SETX: variants seen among roughly 807,000 people sequenced by gnomAD.
The protein encoded by SETX is helicase senataxin.
A neutral mutation model predicts 227.2 loss-of-function variants in SETX; 90 were observed. The ratio of observed to expected loss-of-function variants is 0.40; its 90% CI spans 0.33 to 0.47. The LOEUF (loss-of-function observed/expected upper bound fraction) is 0.47, where lower values mean the gene tolerates loss of function less well. Among genes scored for constraint, SETX ranks in the 20% least tolerant of loss-of-function variants. SETX has a pLI of 0.91. For missense variants in SETX, 3,052 were observed against 3,181.5 expected (o/e 0.96, Z 0.98); for synonymous variants, 1,210 against 1,113.2 (o/e 1.09, Z -1.73).
intron 2 of SETX, among the ~76,000 whole-genome samples, chr9:132,352,583 T>C (rs1003959476): frequency 2.6e-5 from 4 of 152,142 alleles, no homozygotes; most frequent in African/African-American, 9.7e-5. Flanking sequence ...AAACCCCGTA[T>C]CTACTAAAAA....
chr9:132,334,820 G>GA, intron 6 of SETX, 93 bp from the exon 7 acceptor site: 1 of 1,358,316 alleles, frequency 7.4e-7, no homozygotes, highest in South Asian at 1.2e-5. Context: ...GCAGGAAGAT[G>GA]AAGCAAGATA....
At position 132,296,964 on chromosome 9, in the gene SETX, T is replaced by C. The variant is rs779602472; in HGVS notation, c.5872A>G (p.Ile1958Val). Reference sequence around the variant, plus strand: ...CCAGGTGGTCCATGAATCAAGCAGATTTTGGCAACTGATGGTGAGTGTTTC... The same window carrying C: ...CCAGGTGGTCCATGAATCAAGCAGACTTTGGCAACTGATGGTGAGTGTTTC... The part of the protein sequence containing the change: ...MVKHSPSVAK[I>V]CLIHGPPGTG... Residue 1958 changes from isoleucine (I) to valine (V), a missense_variant, in exon 14 of 26, where the codon ATC becomes GTC. Coordinates refer to ENST00000224140, the MANE Select transcript of SETX (RefSeq NM_015046.7). 4 of 1,614,108 alleles carry C rather than the reference T, an allele frequency of 2.5e-6. No homozygotes were observed. In the South Asian group the frequency reaches 4.4e-5, roughly 18 times the overall value.
intron 3 of SETX, among the ~76,000 whole-genome samples, chr9:132,348,755 G>A (rs562686): frequency 0.82 from 124,074 of 151,756 alleles, 51,236 homozygotes; most frequent in Non-Finnish European, 0.87. Flanking sequence ...ATAAGACCTC[G>A]TCTCTACAAA....
At chr9:132,288,020 C>T (rs993488447) in intron 17 of SETX, among the ~76,000 whole-genome samples, 4 of 152,124 alleles carry the variant, frequency 2.6e-5, no homozygotes, top group African/African-American at 4.8e-5. Context: ...ATTAAAAATA[C>T]AGAAAATTAG....
At chr9:132,296,074 T>C (rs776249538) in intron 14 of SETX, 46 bp from the exon 15 acceptor site, 70 of 1,608,638 alleles carry the variant, frequency 4.4e-5, no homozygotes, top group Non-Finnish European at 5.6e-5. Context: ...ACAAAAAATA[T>C]GGGTGAGCTC....
intron 12 of SETX, among the ~76,000 whole-genome samples, chr9:132,299,793 G>A (rs1844880031): frequency 6.6e-6 from 1 of 151,924 alleles, no homozygotes; most frequent in Admixed American, 6.6e-5. Flanking sequence ...TGGGGAGCAA[G>A]GAATAATTTC....
At position 132,278,217 on chromosome 9, in the gene SETX, C is replaced by T; in HGVS notation, c.6695G>A (p.Arg2232His). The T allele has an allele frequency of 1.2e-6, 2 of 1,614,120 alleles. No individual in the cohort carries two copies. The highest frequency in any genetic ancestry group is 1.3e-5 in the African/African-American group (1 of 75,016). The change falls in exon 21 of 26, where the codon CGC becomes CAC. Residue 2232 changes from arginine to histidine, a missense_variant. Physicochemically the swap from Arg to His is conservative, Grantham distance 29. This residue lies in a region of SETX where 412 missense variants were observed against 589.0 expected (regional missense o/e 0.70). Coordinates refer to ENST00000224140, the MANE Select transcript of SETX (RefSeq NM_015046.7). ...ATTCTCTTCCAGCAGTCTGCAGAAG[C>T]GAGCCATCATTGACTGGTCGTAGCC... ...EYGYDQSMMARFCRLLEENVE... is the reference protein window; with the variant it reads ...EYGYDQSMMAHFCRLLEENVE...
intron 10 of SETX, among the ~76,000 whole-genome samples, chr9:132,322,841 T>A (rs56118534): frequency 1.2e-3 from 1 of 820 alleles, no homozygotes; most frequent in Non-Finnish European, 4.5e-3. Context: ...ACTTTAAAAT[T>A]ATCATAAACT....
At chr9:132,307,030 G>A (rs541133687) in intron 11 of SETX, among the ~76,000 whole-genome samples, 7 of 152,330 alleles carry the variant, frequency 4.6e-5, no homozygotes, top group Admixed American at 2.0e-4. Flanking sequence ...CAAGGCAGGC[G>A]GGTCACCTGA....
At chr9:132,290,574 CAAAAAAAA>C (rs59954158) in intron 15 of SETX, among the ~76,000 whole-genome samples, 1,701 of 44,716 alleles carry the variant, frequency 0.038, 35 homozygotes, top group African/African-American at 0.093. Context: ...GACTCCGTCT[CAAAAAAAA>C]AAAAAAAAAA....
chr9:132,326,354 G>GAAAA lies in SETX; in HGVS notation c.5240_5243dup (p.Pro1749PhefsTer10). 6.2e-7 allele frequency: 1 copy of GAAAA among 1,612,878 alleles called. No individual in the cohort carries two copies. Among genetic ancestry groups the GAAAA allele is most frequent in the Non-Finnish European group, 8.5e-7 (1 of 1,179,272 alleles). ...CAAAAGTATTCAATACCATCAAAGG[G>GAAAA]AAAAAAACATTAAAATAATCTCCAT... is the stretch of plus-strand genomic sequence containing the variant. On this transcript the variant is annotated frameshift_variant, in exon 10 of 26. Transcript: ENST00000224140. LOFTEE classifies it high-confidence loss of function.
chr9:132,282,097 T>A (rs1385421374), intron 19 of SETX, among the ~76,000 whole-genome samples: 1 of 149,802 alleles, frequency 6.7e-6, no homozygotes, highest in East Asian at 2.0e-4. Flanking sequence ...TCCAAACATG[T>A]CTAAAAAAAA....
intron 17 of SETX, among the ~76,000 whole-genome samples, chr9:132,287,785 A>AGC (rs2131243019): frequency 6.6e-6 from 1 of 152,106 alleles, no homozygotes; most frequent in Non-Finnish European, 1.5e-5. Context: ...AAAAAGCAGA[A>AGC]AGAAATGTGT....
intron 5 of SETX, among the ~76,000 whole-genome samples, chr9:132,340,337 T>G (rs1277856624): frequency 1.3e-5 from 2 of 152,236 alleles, no homozygotes; most frequent in African/African-American, 4.8e-5. Flanking sequence ...TATAATAATT[T>G]TAAATTTACT....
chr9:132,330,692 T>C (rs1847169403), intron 9 of SETX, among the ~76,000 whole-genome samples, 193 bp from the exon 10 acceptor site: 1 of 152,230 alleles, frequency 6.6e-6, no homozygotes, highest in Non-Finnish European at 1.5e-5. Context: ...CCCAAGAAAG[T>C]GAAAATATAA....
At chr9:132,290,519 G>A (rs1023636583) in intron 15 of SETX, among the ~76,000 whole-genome samples, 3 of 142,564 alleles carry the variant, frequency 2.1e-5, no homozygotes, top group African/African-American at 8.0e-5. Context: ...AGGTTGCGGT[G>A]AGCTGAAATC....
In SETX at chr9:132,286,411, TG is replaced by T; in HGVS notation, c.6396+11del. On this transcript the variant is annotated intron_variant, in intron 18 of 25. Transcript: ENST00000224140. ...AAAAAAATCAAGAAAATGCTACAGG[TG>T]AACTACTTACCTCTTTAATTTTAGA... 1 of 1,587,648 alleles carries T rather than the reference TG, an allele frequency of 6.3e-7. No homozygotes were observed. The highest frequency in any genetic ancestry group is 1.1e-5 in the South Asian group (1 of 87,758).
chr9:132,330,183 T>C lies in SETX; in HGVS notation c.1415A>G (p.Lys472Arg), dbSNP rs1336832375. The change falls in exon 10 of 26, where the codon AAA (lysine) becomes AGA (arginine). Residue 472 changes from lysine to arginine, a missense_variant. Around this residue, in one of 10 missense-constraint regions of SETX, gnomAD observed 179 missense variants for 197.1 expected, o/e 0.91. Transcript: ENST00000224140. ...TACCCACAGCAAATGCAAACATTTT[T>C]TATTTCTATGCAGTTCAATCACTGA... is the stretch of plus-strand genomic sequence containing the variant. ...LVSVIELHRNKKCLHLLWVSS... is the reference protein window; with the variant it reads ...LVSVIELHRNRKCLHLLWVSS... 4 of 1,592,106 alleles carry C rather than the reference T, an allele frequency of 2.5e-6. No individual in the cohort carries two copies. Among genetic ancestry groups the C allele is most frequent in the Non-Finnish European group, 2.6e-6 (3 of 1,167,374 alleles).
In SETX at chr9:132,264,600, G is replaced by A; in HGVS notation, c.7673C>T (p.Pro2558Leu). The A allele has an allele frequency of 6.2e-7, 1 of 1,614,184 alleles. No individual in the cohort carries two copies. The highest frequency in any genetic ancestry group is 8.5e-7 in the Non-Finnish European group (1 of 1,180,038). Residue 2558 changes from proline to leucine, a missense_variant, in exon 26 of 26, where the codon CCA becomes CTA. Pro to Leu is a moderately conservative substitution (Grantham distance 98). Transcript: ENST00000224140. ...AGGATGCTGGGGGCTCGAGGGTTGT[G>A]GATCCCAAAGGAATATTCCTCCTTT... ...EVKGGIFLWD[P>L]QPSSPQHPGA... is the part of the protein sequence containing the mutation.
Sources: gnomAD v4.1 joint callset for allele counts (sites outside exome capture counted in the v4.1 genomes callset) on GRCh38, gnomAD v4.1.1 for gene constraint, gnomAD v4.1.1 regional missense constraint, MANE v1.5 for transcripts, NCBI Gene and HGNC (gene_info 2026-07-23, HGNC 2026-07-21) for gene names.